RBFOX1: variants seen among roughly 807,000 people sequenced by gnomAD.
The protein encoded by RBFOX1 is RNA binding protein fox-1 homolog 1.
In RBFOX1, 8 loss-of-function variants were observed where a neutral mutation model predicts 57.7. That is an observed-to-expected ratio of 0.14 (90% CI 0.08 to 0.25). The LOEUF (loss-of-function observed/expected upper bound fraction) is 0.25. Ranked by LOEUF, RBFOX1 falls within the 10% of genes least tolerant of loss-of-function variation. The pLI is 1.00. For missense variants in RBFOX1, 611 were observed against 548.5 expected, an observed-to-expected ratio of 1.11 and a Z score of -1.14; for synonymous variants, 326 against 222.4, an observed-to-expected ratio of 1.47 and a Z score of -4.15.
intron 4 of RBFOX1, among the ~76,000 whole-genome samples, chr16:5,911,448 C>T (rs150963276): frequency 3.1e-4 from 47 of 152,290 alleles, no homozygotes; most frequent in African/African-American, 1.0e-3. Context: ...TAGCATTTCA[C>T]GCTTCATCCC....
chr16:6,929,906 T>C (rs2076227525), intron 3 of RBFOX1, among the ~76,000 whole-genome samples: 1 of 152,102 alleles, frequency 6.6e-6, no homozygotes, highest in Non-Finnish European at 1.5e-5. Flanking sequence ...GGACAGAAAA[T>C]GTGTGGAAGG....
intron 4 of RBFOX1, among the ~76,000 whole-genome samples, chr16:7,242,977 T>TTCC (rs370911578): frequency 6.6e-6 from 1 of 152,172 alleles, no homozygotes; most frequent in African/African-American, 2.4e-5. Context: ...ATTTGTTCTC[T>TTCC]TCCTCCTCCT....
intron 3 of RBFOX1, among the ~76,000 whole-genome samples, chr16:5,861,645 TC>T (rs1317717870): frequency 6.6e-6 from 1 of 152,126 alleles, no homozygotes; most frequent in Non-Finnish European, 1.5e-5. Context: ...CCCATAGGAC[TC>T]CCCCTAATCC....
chr16:5,459,239 G>T lies in RBFOX1; in HGVS notation c.220-7977G>T, dbSNP rs578166509. Among the ~76,000 whole-genome samples, 4 of 152,326 alleles carry T rather than the reference G, an allele frequency of 2.6e-5. No homozygotes were observed. In the South Asian group the frequency reaches 8.3e-4, roughly 32 times the overall value. On this transcript the variant is annotated intron_variant, in intron 1 of 2. Transcript: ENST00000585867. ...ACCAGATATGACCCTTGTCCTCTGT[G>T]CTTAGGGCCTCATCCTAATCTCAGA...
intron 2 of RBFOX1, among the ~76,000 whole-genome samples, chr16:6,470,069 G>C (rs1366521816): frequency 6.6e-6 from 1 of 152,160 alleles, no homozygotes; most frequent in Non-Finnish European, 1.5e-5. Flanking sequence ...GTGCCTGATA[G>C]ACATTTCTTT....
intron 3 of RBFOX1, among the ~76,000 whole-genome samples, chr16:7,031,606 A>AC (rs1386226739): frequency 1.3e-5 from 2 of 151,968 alleles, no homozygotes; most frequent in African/African-American, 4.8e-5. Flanking sequence ...GCCTAAAAAA[A>AC]AAAGAAAGAA....
chr16:7,326,217 A>G (rs2096609751), intron 4 of RBFOX1, among the ~76,000 whole-genome samples: 2 of 152,076 alleles, frequency 1.3e-5, no homozygotes, highest in African/African-American at 4.8e-5. Context: ...GGTGGAGGGG[A>G]TAGAATGGAA....
chr16:6,397,969 G>A lies in RBFOX1; in HGVS notation c.-64+80912G>A, dbSNP rs116256051. ...TGAAAAAGGGGAATAGAGAAACAAC[G>A]GCATAACAAAAACAATAGTAACAAA... On this transcript the variant is annotated intron_variant, in intron 2 of 15. Transcript: ENST00000550418. Among the ~76,000 whole-genome samples the A allele has an allele frequency of 1.6e-3, 247 of 152,104 alleles. 3 individuals carry two copies. Among genetic ancestry groups the A allele is most frequent in the African/African-American group, 5.9e-3 (243 of 41,478 alleles).
chr16:6,887,682 A>C (rs2064410880), intron 3 of RBFOX1, among the ~76,000 whole-genome samples: 1 of 137,820 alleles, frequency 7.3e-6, no homozygotes, highest in African/African-American at 2.9e-5. Context: ...TTTTTTTTTG[A>C]GGCAGAGTCT....
At chr16:5,407,581 C>T (rs538361682) in intron 1 of RBFOX1, among the ~76,000 whole-genome samples, 14 of 152,126 alleles carry the variant, frequency 9.2e-5, no homozygotes, top group African/African-American at 3.1e-4. Flanking sequence ...TTTTGTCTCA[C>T]TCTGTCACCC....
chr16:6,342,941 A>G (rs2084792284), intron 2 of RBFOX1, among the ~76,000 whole-genome samples: 9 of 152,092 alleles, frequency 5.9e-5, no homozygotes, highest in Admixed American at 5.9e-4. Flanking sequence ...ATCATCTCCA[A>G]ACTTCTGTCG....
At chr16:5,454,597 C>G (rs1302013217) in intron 1 of RBFOX1, among the ~76,000 whole-genome samples, 3 of 152,182 alleles carry the variant, frequency 2.0e-5, no homozygotes, top group African/African-American at 7.2e-5. Context: ...AGAGGGAATT[C>G]TGCAGTAGGT....
intron 2 of RBFOX1, among the ~76,000 whole-genome samples, chr16:6,525,773 T>C (rs1424278994): frequency 1.3e-5 from 2 of 152,032 alleles, no homozygotes; most frequent in East Asian, 3.9e-4. Flanking sequence ...TCCAGCAATT[T>C]TATAGGGTCA....
intron 4 of RBFOX1, among the ~76,000 whole-genome samples, chr16:7,177,580 C>G (rs1043266935): frequency 6.6e-6 from 1 of 152,106 alleles, no homozygotes; most frequent in African/African-American, 2.4e-5. Flanking sequence ...TTTTCACAGG[C>G]ACTACCTTTG....
chr16:6,868,306 A>C (rs916465796), intron 3 of RBFOX1, among the ~76,000 whole-genome samples: 2 of 152,186 alleles, frequency 1.3e-5, no homozygotes, highest in Non-Finnish European at 2.9e-5. Flanking sequence ...GGTTTGCTGA[A>C]GTAAGAGGAT....
At chr16:7,495,703 A>G (rs1201001914) in intron 4 of RBFOX1, among the ~76,000 whole-genome samples, 2 of 152,174 alleles carry the variant, frequency 1.3e-5, no homozygotes, top group East Asian at 3.9e-4. Context: ...TCCATCTTTA[A>G]GTCTCAGAAA....
chr16:5,354,306 A>G (rs1202128275), intron 1 of RBFOX1, among the ~76,000 whole-genome samples: 1 of 151,710 alleles, frequency 6.6e-6, no homozygotes, highest in Non-Finnish European at 1.5e-5. Flanking sequence ...TTTTTTCTCT[A>G]TTCACTGTCT....
chr16:5,703,706 C>G (rs900549167), intron 3 of RBFOX1, among the ~76,000 whole-genome samples: 1 of 151,978 alleles, frequency 6.6e-6, no homozygotes, highest in African/African-American at 2.4e-5. Flanking sequence ...GGGATAATGT[C>G]TTTATTGCAT....
At chr16:6,524,846 C>G (rs1469524933) in intron 2 of RBFOX1, among the ~76,000 whole-genome samples, 4 of 152,146 alleles carry the variant, frequency 2.6e-5, no homozygotes, top group Non-Finnish European at 5.9e-5. Flanking sequence ...GTGTCTGAGT[C>G]TATGTGTCTC....
Sources: allele counts gnomAD v4.1 joint callset (sites outside exome capture counted in the v4.1 genomes callset), GRCh38; gene constraint gnomAD v4.1.1; transcripts MANE v1.5; gene names NCBI Gene and HGNC (gene_info 2026-07-23, HGNC 2026-07-21).